Variants in RSF1 observed in about 807,000 individuals in gnomAD.
RSF1 encodes the protein HBV pX-associated protein 8.
Under a neutral mutation model 145.2 loss-of-function variants are expected in RSF1, and 13 were observed. The ratio of observed to expected loss-of-function variants is 0.09; its 90% CI spans 0.06 to 0.14. RSF1 has a LOEUF of 0.14. Among genes scored for constraint, RSF1 ranks in the 10% least tolerant of loss-of-function variants. The probability of loss-of-function intolerance (pLI) is 1.00; values close to 1 mark genes in which losing one functional copy is unlikely to be tolerated. For missense variants in RSF1, 1,517 were observed against 1,718.2 expected, an observed-to-expected ratio of 0.88 and a Z score of 2.07; for synonymous variants, 577 against 592.6, an observed-to-expected ratio of 0.97 and a Z score of 0.38.
intron 1 of RSF1, among the ~76,000 whole-genome samples, chr11:77,801,826 G>C (rs1421990133): frequency 6.6e-6 from 1 of 151,836 alleles, no homozygotes; most frequent in Non-Finnish European, 1.5e-5. Flanking sequence ...TGGAGACTGG[G>C]TTAACAATCA....
the RSF1 span, among the ~76,000 whole-genome samples, chr11:77,831,568 A>G: frequency 2.0e-5 from 3 of 152,160 alleles, no homozygotes; most frequent in Non-Finnish European, 4.4e-5. Context: ...TCTGAGAACC[A>G]ATCTTAATAC....
intron 5 of RSF1, 24 bp from the exon 6 acceptor site, chr11:77,702,519 T>C (rs1240865249): frequency 6.9e-7 from 1 of 1,439,944 alleles, no homozygotes; most frequent in Non-Finnish European, 9.3e-7. Flanking sequence ...AAAGCTTAAT[T>C]ACATGAATAG....
At chr11:77,688,060 G>A (rs1233120152) in intron 9 of RSF1, among the ~76,000 whole-genome samples, 1 of 152,190 alleles carries the variant, frequency 6.6e-6, no homozygotes, top group Non-Finnish European at 1.5e-5. Flanking sequence ...GTAGGCCAAG[G>A]CAGGTGGATC....
In RSF1 at chr11:77,721,932, G is replaced by A. The variant is rs114170725; in HGVS notation, c.733+3613C>T. Among the ~76,000 whole-genome samples the A allele has an allele frequency of 8.5e-3, 1,289 of 152,276 alleles. 20 individuals carry two copies. The highest frequency in any genetic ancestry group is 0.028 in the African/African-American group (1,178 of 41,564). On this transcript the variant is annotated intron_variant, in intron 5 of 15. Coordinates refer to ENST00000308488, the MANE Select transcript of RSF1 (RefSeq NM_016578.4). ...TCACATCTGTAATCCCAGAACTTCGGAGGGCTGAGGCAAGAGGATTGCTTG... is the reference window on the plus strand; with the variant it reads ...TCACATCTGTAATCCCAGAACTTCGAAGGGCTGAGGCAAGAGGATTGCTTG...
intron 4 of RSF1, chr11:77,739,028 C>T (rs1032619360): frequency 2.6e-5 from 4 of 152,080 alleles, no homozygotes; most frequent in Admixed American, 2.0e-4. Context: ...ACACCTCTGC[C>T]TCCCGGGTTC....
the RSF1 span, among the ~76,000 whole-genome samples, chr11:77,858,415 C>T: frequency 1.5e-5 from 2 of 130,308 alleles, no homozygotes; most frequent in African/African-American, 6.3e-5. Context: ...GCTCGAATGC[C>T]TGCTGTGCTC....
Position 77,663,969 on chromosome 11 carries a change from T to A in RSF1, c.*2948A>T, listed in dbSNP as rs1959297694. 6.6e-6 allele frequency: 1 copy of A among 152,162 alleles called. No homozygotes were observed. 9.4% of individuals were successfully genotyped at this position (152,162 alleles called of 1,614,324 possible). ...TCTATTATGTAGCAGCTATTTTGAG[T>A]CTAAATCCATGGTTAGTGCTCTAAA... On this transcript the variant is annotated 3_prime_UTR_variant, in exon 16 of 16. Transcript: ENST00000308488.
At chr11:77,788,185 TA>T (rs771986764) in intron 1 of RSF1, among the ~76,000 whole-genome samples, 25 of 52,974 alleles carry the variant, frequency 4.7e-4, no homozygotes, top group Admixed American at 9.5e-4. Flanking sequence ...AAATTAGGGG[TA>T]AAAAAAAAAA....
Position 77,677,093 on chromosome 11 carries a change from G to A in RSF1, c.3134-94C>T. 3.3e-6 allele frequency: 3 copies of A among 910,110 alleles called. No individual in the cohort carries two copies. The Admixed American group carries it at 7.5e-5, about 23-fold the overall frequency. The allele number at this position is 910,110 out of a possible 1,614,324, so 56.4% of individuals were successfully genotyped here. On this transcript the variant is annotated intron_variant, in intron 12 of 15. Transcript: ENST00000308488. Reference sequence around the variant, plus strand: ...TAGAGACAGTCCTTATTCATGCTTAGCAGCTCTTCATTTCTTTATTTTCTT... The same window carrying A: ...TAGAGACAGTCCTTATTCATGCTTAACAGCTCTTCATTTCTTTATTTTCTT...
chr11:77,824,653 T>C (rs972097594), upstream of RSF1, among the ~76,000 whole-genome samples: 1 of 152,140 alleles, frequency 6.6e-6, no homozygotes, highest in Admixed American at 6.5e-5. Context: ...TCCATCAATA[T>C]GAAGGTCAAA....
At chr11:77,807,934 C>T in intron 1 of RSF1, among the ~76,000 whole-genome samples, 1 of 152,146 alleles carries the variant, frequency 6.6e-6, no homozygotes, top group East Asian at 1.9e-4. Flanking sequence ...CATTTGATAA[C>T]ACAATGCACA....
At chr11:77,858,302 C>CTTTTTTTTTTTTTTTTTTTTTTTT in the RSF1 span, among the ~76,000 whole-genome samples, 2 of 69,348 alleles carry the variant, frequency 2.9e-5, no homozygotes, top group African/African-American at 1.2e-4. Context: ...TTAAGCAATT[C>CTTTTTTTTTTTTTTTTTTTTTTTT]TTTTTTTTTT....
In RSF1 at chr11:77,668,262, A is replaced by G. The variant is rs150436607; in HGVS notation, c.3752-771T>C. Among the ~76,000 whole-genome samples the G allele has an allele frequency of 4.6e-3, 702 of 152,360 alleles. 4 individuals are homozygous for G. The highest frequency in any genetic ancestry group is 0.011 in the African/African-American group (451 of 41,592). On this transcript the variant is annotated intron_variant, in intron 15 of 15. Coordinates refer to ENST00000308488, the MANE Select transcript of RSF1 (RefSeq NM_016578.4). ...AGTGATCTGCCCATCTTGGCCTCCCAAAGTGCTGGGATTATAGGCGTAAGC... is the reference window on the plus strand; with the variant it reads ...AGTGATCTGCCCATCTTGGCCTCCCGAAGTGCTGGGATTATAGGCGTAAGC...
intron 1 of RSF1, chr11:77,813,490 T>G: frequency 1.1e-6 from 1 of 939,082 alleles, no homozygotes; most frequent in Admixed American, 1.7e-5. Context: ...TCTGTAGTGA[T>G]TCTCAAAGTC....
intron 4 of RSF1, among the ~76,000 whole-genome samples, chr11:77,730,677 G>A (rs557946365): frequency 6.6e-6 from 1 of 152,312 alleles, no homozygotes; most frequent in South Asian, 2.1e-4. Flanking sequence ...GAACCCAGTG[G>A]GAGGTGATTG....
rs767056055 is a variant in RSF1, at chr11:77,677,002, G to A, written c.3134-3C>T. ...GATATCTTTTCCTCGGCCAACTCCT[G>A]AATTTGGGGGAGGGAAGTTCGGGGA... On this transcript the variant is annotated splice_region_variant and splice_polypyrimidine_tract_variant and intron_variant, in intron 12 of 15. Coordinates refer to ENST00000308488, the MANE Select transcript of RSF1 (RefSeq NM_016578.4). 6.2e-6 allele frequency: 10 copies of A among 1,610,980 alleles called. No individual in the cohort carries two copies. The highest frequency in any genetic ancestry group is 8.5e-6 in the Non-Finnish European group (10 of 1,178,762).
At chr11:77,828,184 A>C in the RSF1 span, among the ~76,000 whole-genome samples, 2 of 151,992 alleles carry the variant, frequency 1.3e-5, no homozygotes, top group Non-Finnish European at 2.9e-5. Context: ...CTGAGGCAGG[A>C]GAATCACTTG....
chr11:77,803,458 C>A (rs190461750), intron 1 of RSF1, among the ~76,000 whole-genome samples: 1 of 147,100 alleles, frequency 6.8e-6, no homozygotes, highest in Non-Finnish European at 1.5e-5. Flanking sequence ...AGAGTGAGTT[C>A]TATCACAAAA....
At position 77,668,311 on chromosome 11, in the gene RSF1, T is replaced by C. The variant is rs188268254; in HGVS notation, c.3752-820A>G. Among the ~76,000 whole-genome samples, 438 of 152,350 alleles carry C rather than the reference T, an allele frequency of 2.9e-3. 5 individuals are homozygous for C. Among genetic ancestry groups the C allele is most frequent in the African/African-American group, 0.01 (421 of 41,584 alleles). On this transcript the variant is annotated intron_variant, in intron 15 of 15. Transcript: ENST00000308488. ...GCCACTGTGCCCAGCCAACAGCAGA[T>C]TTCTTGGGGGAAGATGTCTGATAAT...
Sources: gnomAD v4.1 joint callset for allele counts (sites outside exome capture counted in the v4.1 genomes callset) on GRCh38, gnomAD v4.1.1 for gene constraint, MANE v1.5 for transcripts, NCBI Gene and HGNC (gene_info 2026-07-23, HGNC 2026-07-21) for gene names.